The following UBE2E2 variants were observed in gnomAD, a reference collection of about 807,000 sequenced individuals.
UBE2E2 encodes the protein ubiquitin-conjugating enzyme E2 E2.
A neutral mutation model predicts 24.7 loss-of-function variants in UBE2E2; 6 were observed. The ratio of observed to expected loss-of-function variants is 0.24; its 90% confidence interval spans 0.13 to 0.48. The LOEUF is 0.48. Ranked by LOEUF, UBE2E2 falls within the 20% of genes least tolerant of loss-of-function variation. UBE2E2 has a pLI of 0.99. For synonymous variants in UBE2E2, 104 were observed against 83.6 expected (o/e 1.24, Z -1.33); for missense variants, 169 against 245.0 (o/e 0.69, Z 2.07).
intron 3 of UBE2E2, among the ~76,000 whole-genome samples, chr3:23,278,548 A>G (rs1698418995): frequency 1.3e-5 from 2 of 152,160 alleles, no homozygotes; most frequent in Non-Finnish European, 1.5e-5. Context: ...GCCAGCAAGG[A>G]GGTGCTTATA....
intron 3 of UBE2E2, among the ~76,000 whole-genome samples, chr3:23,259,945 G>T (rs199930406): frequency 6.6e-6 from 1 of 152,164 alleles, no homozygotes; most frequent in African/African-American, 2.4e-5. Context: ...ATTAAATATA[G>T]TACTAGTCTG....
rs60794638 is a variant in UBE2E2 at position 23,379,492 on chromosome 3, G to A, written c.228-120116G>A. ...TCCCACCTATGAGTGAGAATATGCGGTGTTTGGTTTTTTGTTCTTGCGATA... is the reference window on the plus strand; with the variant it reads ...TCCCACCTATGAGTGAGAATATGCGATGTTTGGTTTTTTGTTCTTGCGATA... On this transcript the variant is annotated intron_variant, in intron 3 of 5. Transcript: ENST00000396703. Among the ~76,000 whole-genome samples, 180 of 148,854 alleles carry A rather than the reference G, an allele frequency of 1.2e-3. 1 individual carries two copies. Among genetic ancestry groups the A allele is most frequent in the African/African-American group, 4.1e-3 (164 of 40,168 alleles).
intron 3 of UBE2E2, among the ~76,000 whole-genome samples, chr3:23,368,818 A>G (rs1453317902): frequency 6.6e-6 from 1 of 152,210 alleles, no homozygotes; most frequent in Non-Finnish European, 1.5e-5. Flanking sequence ...TGTTTTAAAA[A>G]TGGCTTGACT....
chr3:23,373,816 T>G (rs1189951779), intron 3 of UBE2E2, among the ~76,000 whole-genome samples: 1 of 152,162 alleles, frequency 6.6e-6, no homozygotes, highest in Non-Finnish European at 1.5e-5. Context: ...AATTATATGG[T>G]CACTATACAC....
At chr3:23,487,437 C>A (rs1381706978) in intron 3 of UBE2E2, among the ~76,000 whole-genome samples, 3 of 152,218 alleles carry the variant, frequency 2.0e-5, no homozygotes. Context: ...TCACCTGTTC[C>A]CTGCCCCTGC....
chr3:23,258,367 A>G (rs1697795302), intron 3 of UBE2E2, among the ~76,000 whole-genome samples: 1 of 152,226 alleles, frequency 6.6e-6, no homozygotes, highest in African/African-American at 2.4e-5. Flanking sequence ...TCATGTTAAT[A>G]GTGATAGTAA....
chr3:23,522,275 C>T (rs969055339), intron 4 of UBE2E2, among the ~76,000 whole-genome samples: 9 of 151,828 alleles, frequency 5.9e-5, no homozygotes, highest in African/African-American at 1.5e-4. Context: ...GGACTACAGG[C>T]GCCCGCCACC....
chr3:23,298,097 T>C (rs939824777), intron 3 of UBE2E2, among the ~76,000 whole-genome samples: 8 of 152,196 alleles, frequency 5.3e-5, no homozygotes, highest in Admixed American at 6.6e-5. Flanking sequence ...TTGTCTCTTA[T>C]TGCTGTATAA....
chr3:23,363,116 C>G (rs1490045917), intron 3 of UBE2E2, among the ~76,000 whole-genome samples: 1 of 152,172 alleles, frequency 6.6e-6, no homozygotes, highest in Non-Finnish European at 1.5e-5. Flanking sequence ...TTTGTTACCA[C>G]CAGACTTGCT....
At chr3:23,344,636 T>C (rs904565257) in intron 3 of UBE2E2, among the ~76,000 whole-genome samples, 2 of 152,016 alleles carry the variant, frequency 1.3e-5, no homozygotes, top group African/African-American at 4.8e-5. Flanking sequence ...TTTGGATTGC[T>C]TGAGGCCAGG....
At chr3:23,254,023 AATAGG>A (rs1697649534) in intron 3 of UBE2E2, among the ~76,000 whole-genome samples, 1 of 152,228 alleles carries the variant, frequency 6.6e-6, no homozygotes, top group Non-Finnish European at 1.5e-5. Context: ...CTGCCAGTCT[AATAGG>A]ATAGAACTAC....
At position 23,474,435 on chromosome 3, in the gene UBE2E2, A is replaced by G. The variant is rs528662485; in HGVS notation, c.228-25173A>G. 4.6e-5 allele frequency among the ~76,000 whole-genome samples: 7 copies of G among 152,078 alleles called. No individual in the cohort carries two copies. The highest frequency in any genetic ancestry group is 7.3e-5 in the Non-Finnish European group (5 of 68,036). ...TACAAAGTACTCTTTTCTGAAGGGA[A>G]CGTGCAGATTTCAGACACAAATACA... On this transcript the variant is annotated intron_variant, in intron 3 of 5. Transcript: ENST00000396703. The surrounding 1 kb of genome is among the most constrained non-coding windows in gnomAD (Gnocchi z 4.0).
chr3:23,242,497 A>G (rs1327285255), intron 3 of UBE2E2, among the ~76,000 whole-genome samples: 4 of 150,838 alleles, frequency 2.7e-5, no homozygotes, highest in East Asian at 2.0e-4. Flanking sequence ...TGTTTCTACA[A>G]TCTTCTTTGC....
intron 3 of UBE2E2, among the ~76,000 whole-genome samples, chr3:23,471,439 G>A (rs1335909195): frequency 6.6e-6 from 1 of 152,196 alleles, no homozygotes; most frequent in Non-Finnish European, 1.5e-5. Context: ...GTAAATGTGT[G>A]GAAGGAAGCA....
intron 3 of UBE2E2, among the ~76,000 whole-genome samples, chr3:23,355,843 AG>A (rs547631549): frequency 5.9e-5 from 9 of 152,370 alleles, no homozygotes; most frequent in Non-Finnish European, 1.2e-4. Context: ...GAGCATATAA[AG>A]CAGTCTATGC....
intron 3 of UBE2E2, among the ~76,000 whole-genome samples, chr3:23,450,985 C>G (rs1388936240): frequency 3.9e-5 from 6 of 152,158 alleles, no homozygotes; most frequent in African/African-American, 1.2e-4. Context: ...CACTATTGAG[C>G]TATCACTAAA....
chr3:23,488,696 A>G (rs1034231841), intron 3 of UBE2E2, among the ~76,000 whole-genome samples: 2 of 152,190 alleles, frequency 1.3e-5, no homozygotes, highest in African/African-American at 2.4e-5. Flanking sequence ...AGGGGCAGCA[A>G]TGGTTTACCC....
chr3:23,205,900 C>T lies in UBE2E2; in HGVS notation c.-9+2436C>T, dbSNP rs1696132022. 2.6e-5 allele frequency among the ~76,000 whole-genome samples: 4 copies of T among 152,078 alleles called. No individual in the cohort carries two copies. The South Asian group carries it at 8.3e-4, about 31-fold the overall frequency. On this transcript the variant is annotated intron_variant, in intron 1 of 5. Transcript: ENST00000396703. ...GTAATCTTTTTAAGTAATTATATAACTATGGCATTCGATAGTATGTAAATG... is the reference window on the plus strand; with the variant it reads ...GTAATCTTTTTAAGTAATTATATAATTATGGCATTCGATAGTATGTAAATG...
At chr3:23,306,533 A>G (rs1015944019) in intron 3 of UBE2E2, among the ~76,000 whole-genome samples, 10 of 152,340 alleles carry the variant, frequency 6.6e-5, no homozygotes, top group East Asian at 1.9e-4. Context: ...ATAGATAACA[A>G]TAAGATTCCA....
Sources: allele counts gnomAD v4.1 joint callset (sites outside exome capture counted in the v4.1 genomes callset), GRCh38; gene constraint gnomAD v4.1.1; non-coding constraint Gnocchi (gnomAD v3.1); transcripts MANE v1.5; gene names NCBI Gene and HGNC (gene_info 2026-07-23, HGNC 2026-07-21).